Variants in SLC16A5 observed in about 807,000 individuals in gnomAD.
SLC16A5 encodes the protein monocarboxylate transporter 6.
Under a neutral mutation model 33.2 loss-of-function variants are expected in SLC16A5, and 29 were observed. That is an observed-to-expected ratio of 0.87 (90% CI 0.65 to 1.19). The LOEUF (loss-of-function observed/expected upper bound fraction) is 1.19, where lower values mean the gene tolerates loss of function less well. Among genes scored for constraint, SLC16A5 ranks in the 50% most tolerant of loss-of-function variants. SLC16A5 has a pLI of 0.00. For synonymous variants in SLC16A5, 248 were observed against 284.1 expected (o/e 0.87, Z 1.28); for missense variants, 606 against 678.2 (o/e 0.89, Z 1.18).
chr17:75,092,050 T>TGTGTGTGTGTGTGTGCGC (rs1555644943), intron 2 of SLC16A5, among the ~76,000 whole-genome samples: 1 of 151,698 alleles, frequency 6.6e-6, no homozygotes, highest in Non-Finnish European at 1.5e-5. Context: ...TGTGTGTGTG[T>TGTGTGTGTGTGTGTGCGC]GCACGCATGC....
downstream of SLC16A5, among the ~76,000 whole-genome samples, chr17:75,107,800 C>T (rs1262224279): frequency 5.9e-5 from 9 of 152,060 alleles, no homozygotes; most frequent in Non-Finnish European, 1.3e-4. Flanking sequence ...AGCCGGGCGT[C>T]GTGGCGGGTG....
At position 75,100,269 on chromosome 17, in the gene SLC16A5, A is replaced by G. The variant is rs990258707; in HGVS notation, c.606A>G (p.Glu202=). The part of the protein sequence containing the change: ...VATSVAPETK[E]CPPPPPETPA... ...CCAGTGTGGCCCCTGAGACCAAAGAATGTCCCCCGCCACCTCCCGAGACAC... is the reference window on the plus strand; with the variant it reads ...CCAGTGTGGCCCCTGAGACCAAAGAGTGTCCCCCGCCACCTCCCGAGACAC... The change falls in exon 5 of 7, where the codon GAA becomes GAG. Residue 202 remains glutamate, a synonymous_variant. Coordinates refer to ENST00000329783, the MANE Select transcript of SLC16A5 (RefSeq NM_004695.4). 2.5e-6 allele frequency: 4 copies of G among 1,614,166 alleles called. No individual in the cohort carries two copies. The South Asian group carries it at 3.3e-5, about 13-fold the overall frequency.
Position 75,100,115 on chromosome 17 carries a change from G to C in SLC16A5, c.452G>C (p.Gly151Ala), listed in dbSNP as rs747539933. Residue 151 changes from glycine (G) to alanine (A), a missense_variant, in exon 5 of 7, where the codon GGC becomes GCC. Transcript: ENST00000329783. ...CTGGCCTCGATGGGCGTCTCCCTGG[G>C]CATCACCCTCTGGCCGCTGCTCTCC... is the stretch of plus-strand genomic sequence containing the variant. ...NALASMGVSLGITLWPLLSRY... is the reference protein window; with the variant it reads ...NALASMGVSLAITLWPLLSRY... 6.2e-7 allele frequency: 1 copy of C among 1,614,108 alleles called. No homozygotes were observed. The highest frequency in any genetic ancestry group is 8.5e-7 in the Non-Finnish European group (1 of 1,180,010).
intron 5 of SLC16A5, among the ~76,000 whole-genome samples, chr17:75,102,226 G>A (rs1242138622): frequency 1.3e-5 from 2 of 152,264 alleles, no homozygotes; most frequent in African/African-American, 4.8e-5. Flanking sequence ...GACCAACATG[G>A]TGAAACCCCA....
chr17:75,089,658 G>A (rs1379486813), intron 2 of SLC16A5, among the ~76,000 whole-genome samples: 1 of 151,828 alleles, frequency 6.6e-6, no homozygotes. Context: ...GGAGGCTGAG[G>A]CAGGAGAATT....
intron 2 of SLC16A5, among the ~76,000 whole-genome samples, chr17:75,092,128 T>C (rs936132950): frequency 6.6e-6 from 1 of 152,052 alleles, no homozygotes; most frequent in Non-Finnish European, 1.5e-5. Context: ...TGAGCATGTA[T>C]GCATGTGTGT....
At chr17:75,095,690 C>CCCA (rs2073708681) in intron 3 of SLC16A5, among the ~76,000 whole-genome samples, 1 of 151,036 alleles carries the variant, frequency 6.6e-6, no homozygotes, top group African/African-American at 2.4e-5. Context: ...GATGGAGTCT[C>CCCA]GCTCTGTTGC....
At chr17:75,099,828 G>A (rs72844538) in intron 4 of SLC16A5, 179 bp from the exon 5 acceptor site, 7 of 615,422 alleles carry the variant, frequency 1.1e-5, no homozygotes, top group African/African-American at 9.2e-5. Flanking sequence ...CTGGGGTGGG[G>A]TGCCTACAGG....
At chr17:75,102,898 A>ATT (rs71159433) in intron 5 of SLC16A5, among the ~76,000 whole-genome samples, 6 of 146,208 alleles carry the variant, frequency 4.1e-5, no homozygotes, top group African/African-American at 1.3e-4. Context: ...CGCCCGGCTA[A>ATT]TTTTTTTTTT....
At chr17:75,087,737 A>G (rs1285861061), upstream of SLC16A5, 2 of 152,328 alleles carry the variant, frequency 1.3e-5, no homozygotes, top group Non-Finnish European at 2.9e-5. Context: ...AGAAGCTAGA[A>G]AGAGGGCATC....
downstream of SLC16A5, among the ~76,000 whole-genome samples, chr17:75,109,135 C>T (rs182389398): frequency 9.2e-5 from 14 of 152,286 alleles, 1 homozygote; most frequent in East Asian, 2.7e-3. This position sits in a 1 kb window ranked among gnomAD's most constrained non-coding sequence, Gnocchi z 5.0. Context: ...ATCACACACC[C>T]GCTTCCTGAT....
chr17:75,093,478 G>A, intron 2 of SLC16A5, 111 bp from the exon 3 acceptor site: 1 of 1,536,338 alleles, frequency 6.5e-7, no homozygotes, highest in African/African-American at 1.4e-5. Context: ...TGTGACACCT[G>A]GTACTTGGGT....
rs1206525223 is a variant in SLC16A5 at position 75,100,621 on chromosome 17, C to T, written c.958C>T (p.Leu320=). 9.9e-6 allele frequency: 16 copies of T among 1,614,110 alleles called. No homozygotes were observed. Among genetic ancestry groups the T allele is most frequent in the East Asian group, 4.5e-5 (2 of 44,896 alleles). The change falls in exon 5 of 7, where the codon CTG becomes TTG. Residue 320 remains leucine, a synonymous_variant. Transcript: ENST00000329783. ...ACTCCTGCTCAATGGGCTCACTAAC[C>T]TGGTGTGTGCGGCATCAGGTGACTT... The part of the protein sequence containing the change: ...LALLLNGLTN[L]VCAASGDFWV...
chr17:75,104,677 C>G, intron 6 of SLC16A5: 1 of 778,692 alleles, frequency 1.3e-6, no homozygotes, highest in South Asian at 5.8e-5. Context: ...CTCCAACTTC[C>G]GACCTCAGGT....
chr17:75,098,367 A>G (rs1257129513), intron 4 of SLC16A5, among the ~76,000 whole-genome samples, 186 bp downstream of exon 4: 1 of 152,124 alleles, frequency 6.6e-6, no homozygotes, highest in African/African-American at 2.4e-5. Context: ...GTTCGAGACT[A>G]GCCCGGCCAA....
At chr17:75,109,887 GCGCCGCGCA>G, downstream of SLC16A5, 1 of 205,512 alleles carries the variant, frequency 4.9e-6, no homozygotes, top group South Asian at 8.1e-5. The surrounding 1 kb of genome is among the most constrained non-coding windows in gnomAD (Gnocchi z 5.0). Context: ...AACCAGAAGC[GCGCCGCGCA>G]CGCGCGCCAA....
At chr17:75,102,129 C>A (rs2073807871) in intron 5 of SLC16A5, among the ~76,000 whole-genome samples, 1 of 152,116 alleles carries the variant, frequency 6.6e-6, no homozygotes, top group Admixed American at 6.6e-5. Context: ...CTGCAAAATG[C>A]AGACGAGAGC....
intron 5 of SLC16A5, among the ~76,000 whole-genome samples, chr17:75,103,330 ATTC>A (rs1450969484): frequency 8.0e-6 from 1 of 125,202 alleles, no homozygotes; most frequent in Non-Finnish European, 1.7e-5. Flanking sequence ...ATCCAAGGGA[ATTC>A]TTTTTTTTTT....
At chr17:75,099,220 T>C (rs550908913) in intron 4 of SLC16A5, among the ~76,000 whole-genome samples, 79 of 152,268 alleles carry the variant, frequency 5.2e-4, no homozygotes, top group African/African-American at 1.9e-3. Flanking sequence ...GGCAGCTTCA[T>C]GTCCAGAGGC....
Sources: gnomAD v4.1 joint callset for allele counts (sites outside exome capture counted in the v4.1 genomes callset) on GRCh38, gnomAD v4.1.1 for gene constraint, Gnocchi (gnomAD v3.1) non-coding constraint, MANE v1.5 for transcripts, NCBI Gene and HGNC (gene_info 2026-07-23, HGNC 2026-07-21) for gene names.